RASGRP1: variants seen among roughly 807,000 people sequenced by gnomAD.
RASGRP1 encodes RAS guanyl-releasing protein 1.
RASGRP1 carries 37 observed loss-of-function variants against 95.1 expected under a neutral mutation model. The ratio of observed to expected loss-of-function variants is 0.39; its 90% CI spans 0.30 to 0.51. The LOEUF is 0.51. Ranked by LOEUF, RASGRP1 falls within the 20% of genes least tolerant of loss-of-function variation. The probability of loss-of-function intolerance (pLI) is 0.80; values close to 1 mark genes in which losing one functional copy is unlikely to be tolerated. For synonymous variants in RASGRP1, 325 were observed against 353.4 expected, an observed-to-expected ratio of 0.92 and a Z score of 0.90; for missense variants, 711 against 965.4, an observed-to-expected ratio of 0.74 and a Z score of 3.49.
intron 2 of RASGRP1, among the ~76,000 whole-genome samples, chr15:38,558,243 C>A (rs1320520426): frequency 6.6e-6 from 1 of 152,196 alleles, no homozygotes; most frequent in Non-Finnish European, 1.5e-5. Flanking sequence ...AATGGCCCCA[C>A]GTCAGCCGCG....
At chr15:38,491,257 T>C (rs1242314721) in intron 16 of RASGRP1, among the ~76,000 whole-genome samples, 1 of 152,226 alleles carries the variant, frequency 6.6e-6, no homozygotes, top group Non-Finnish European at 1.5e-5. Flanking sequence ...TGTTATCCTA[T>C]ACTGATTACT....
Position 38,503,454 on chromosome 15 carries a change from C to G in RASGRP1, c.1324-78G>C. The G allele has an allele frequency of 3.7e-6, 4 of 1,082,130 alleles. No homozygotes were observed. The South Asian group carries it at 5.5e-5, about 15-fold the overall frequency. 67.0% of individuals were successfully genotyped at this position (1,082,130 alleles called of 1,614,324 possible). A position where few individuals can be genotyped will look rare whatever the true frequency, so the allele number is the denominator to read the frequency against. ...CTATAGCTCTTTCTTTTCCCACTAC[C>G]TGACGGTTACATTTATGGACAATCT... is the stretch of plus-strand genomic sequence containing the variant. On this transcript the variant is annotated intron_variant, in intron 10 of 16. Coordinates refer to ENST00000310803, the MANE Select transcript of RASGRP1 (RefSeq NM_005739.4).
chr15:38,561,456 A>G (rs1254767849), intron 1 of RASGRP1, among the ~76,000 whole-genome samples: 1 of 152,248 alleles, frequency 6.6e-6, no homozygotes, highest in Non-Finnish European at 1.5e-5. Flanking sequence ...AGAAAGAGGC[A>G]GTTTGTGGGA....
At chr15:38,541,555 G>A (rs773088927) in intron 2 of RASGRP1, among the ~76,000 whole-genome samples, 9 of 152,162 alleles carry the variant, frequency 5.9e-5, no homozygotes, top group Non-Finnish European at 1.0e-4. Context: ...TTGTGCCACT[G>A]CACTCCAGAC....
intron 15 of RASGRP1, among the ~76,000 whole-genome samples, chr15:38,495,918 A>C (rs1890777231): frequency 6.6e-6 from 1 of 152,190 alleles, no homozygotes; most frequent in Admixed American, 6.5e-5. Flanking sequence ...TTTAGGTTGA[A>C]TTCCTAGACA....
intron 2 of RASGRP1, among the ~76,000 whole-genome samples, chr15:38,540,814 C>A (rs182737463): frequency 6.6e-6 from 1 of 152,160 alleles, no homozygotes; most frequent in Non-Finnish European, 1.5e-5. Context: ...ATTCAAAAAG[C>A]CTTTTTAGGT....
intron 4 of RASGRP1, among the ~76,000 whole-genome samples, chr15:38,518,692 T>G (rs1414347807): frequency 6.6e-6 from 1 of 152,152 alleles, no homozygotes; most frequent in Non-Finnish European, 1.5e-5. Flanking sequence ...GGCACAATCA[T>G]GTGGGTTGGA....
In RASGRP1 at chr15:38,488,850, T is replaced by C. The variant is rs1479076714; in HGVS notation, c.*1704A>G. On this transcript the variant is annotated 3_prime_UTR_variant, in exon 17 of 17. Coordinates refer to ENST00000310803, the MANE Select transcript of RASGRP1 (RefSeq NM_005739.4). ...AACAAAGTGTTACTATAAGTTTATATGCCAGGTAGTGGGCTTAAGCAGGCC... is the reference window on the plus strand; with the variant it reads ...AACAAAGTGTTACTATAAGTTTATACGCCAGGTAGTGGGCTTAAGCAGGCC... 2 of 152,044 alleles carry C rather than the reference T, an allele frequency of 1.3e-5. No homozygotes were observed. The allele number at this position is 152,044 out of a possible 1,614,324, so 9.4% of individuals were successfully genotyped here.
chr15:38,542,868 T>TATGTG (rs1464925569), intron 2 of RASGRP1, among the ~76,000 whole-genome samples: 1 of 142,298 alleles, frequency 7.0e-6, no homozygotes, highest in Non-Finnish European at 1.5e-5. Context: ...TATACACATA[T>TATGTG]ATGTGTATAT....
At chr15:38,530,333 G>T (rs1892387027) in intron 2 of RASGRP1, among the ~76,000 whole-genome samples, 1 of 152,162 alleles carries the variant, frequency 6.6e-6, no homozygotes, top group Non-Finnish European at 1.5e-5. Flanking sequence ...GACTCATTCT[G>T]TTGGCCAAAG....
rs528697660 is a variant in RASGRP1, at chr15:38,531,772, G to A, written c.221-5368C>T. Among the ~76,000 whole-genome samples, 7 of 152,012 alleles carry A rather than the reference G, an allele frequency of 4.6e-5. No homozygotes were observed. The South Asian group carries it at 1.5e-3, about 32-fold the overall frequency. ...ACACTCTCTCTCTACACCCAGTCCA[G>A]AACTCCGAGGTAACTCCTCTCCAGT... On this transcript the variant is annotated intron_variant, in intron 2 of 16. Coordinates refer to ENST00000310803, the MANE Select transcript of RASGRP1 (RefSeq NM_005739.4).
intron 2 of RASGRP1, among the ~76,000 whole-genome samples, chr15:38,533,518 G>T (rs1024115766): frequency 1.3e-5 from 2 of 152,106 alleles, no homozygotes; most frequent in Non-Finnish European, 2.9e-5. Flanking sequence ...TTGTTTTCTG[G>T]TCGTTGTTTG....
At chr15:38,499,983 TG>T in intron 14 of RASGRP1, 119 bp downstream of exon 14, 1 of 964,958 alleles carries the variant, frequency 1.0e-6, no homozygotes, top group Non-Finnish European at 1.6e-6. Flanking sequence ...ACCAGCCCTG[TG>T]GAACTGTGAG....
At chr15:38,521,837 T>C (rs552583331) in intron 3 of RASGRP1, among the ~76,000 whole-genome samples, 26 of 152,288 alleles carry the variant, frequency 1.7e-4, no homozygotes, top group Non-Finnish European at 3.5e-4. Context: ...CCATCTGAGC[T>C]TATTTAACTA....
At chr15:38,503,136 C>T in intron 11 of RASGRP1, 136 bp downstream of exon 11, 2 of 688,856 alleles carry the variant, frequency 2.9e-6, no homozygotes, top group Non-Finnish European at 5.0e-6. Context: ...GTTCTAAAGC[C>T]ACAGTAAGAG....
intron 2 of RASGRP1, among the ~76,000 whole-genome samples, chr15:38,557,599 A>ATGTGTGTGTG (rs1228086838): frequency 1.7e-5 from 2 of 119,334 alleles, no homozygotes; most frequent in East Asian, 3.1e-4. Context: ...CTTTGTATAT[A>ATGTGTGTGTG]TATGTGTGTG....
chr15:38,498,976 T>C lies in RASGRP1; in HGVS notation c.1721-30A>G, dbSNP rs533773941. On this transcript the variant is annotated intron_variant, in intron 14 of 16. Transcript: ENST00000310803. ...GGACAAGACATCCTGGGTCAAGAAG[T>C]CTTTCACTTTTCTCTCTTCCCCAGT... The C allele has an allele frequency of 1.9e-6, 3 of 1,613,698 alleles. No homozygotes were observed. The African/African-American group carries it at 4.0e-5, about 22-fold the overall frequency.
Position 38,564,737 on chromosome 15 carries a change from T to G in RASGRP1, c.-109A>C. 2 of 960,022 alleles carry G rather than the reference T, an allele frequency of 2.1e-6. No individual in the cohort carries two copies. The highest frequency in any genetic ancestry group is 2.6e-6 in the Non-Finnish European group (2 of 768,644). The allele number at this position is 960,022 out of a possible 1,614,324, so 59.5% of individuals were successfully genotyped here. ...CCGGCTCTCTCCCCCCCGGGCCTCG[T>G]AGCCCCGGCGCCCGCCAGCCCTCGA... On this transcript the variant is annotated 5_prime_UTR_variant, in exon 1 of 17. Coordinates refer to ENST00000310803, the MANE Select transcript of RASGRP1 (RefSeq NM_005739.4).
At chr15:38,493,047 A>AT (rs998096794) in intron 16 of RASGRP1, among the ~76,000 whole-genome samples, 6 of 151,306 alleles carry the variant, frequency 4.0e-5, no homozygotes, top group African/African-American at 1.2e-4. Context: ...CGCCTGGCTA[A>AT]TTTTTTATAT....
Sources: gnomAD v4.1 joint callset for allele counts (sites outside exome capture counted in the v4.1 genomes callset) on GRCh38, gnomAD v4.1.1 for gene constraint, MANE v1.5 for transcripts, NCBI Gene and HGNC (gene_info 2026-07-23, HGNC 2026-07-21) for gene names.